BARD1: variants seen among roughly 807,000 people sequenced by gnomAD.
The protein encoded by BARD1 is BRCA1-associated RING domain protein 1.
BARD1 carries 73 observed loss-of-function variants against 77.0 expected under a neutral mutation model. That is an observed-to-expected ratio of 0.95 (90% confidence interval 0.79 to 1.15). The LOEUF (loss-of-function observed/expected upper bound fraction) is 1.15. Ranked by LOEUF, BARD1 falls within the 50% of genes most tolerant of loss-of-function variation. The probability of loss-of-function intolerance (pLI) is 0.00; values close to 1 mark genes in which losing one functional copy is unlikely to be tolerated. For synonymous variants in BARD1, 384 were observed against 338.0 expected (o/e 1.14, Z -1.49); for missense variants, 993 against 938.8 (o/e 1.06, Z -0.75).
chr2:214,780,948 G>T lies in BARD1; in HGVS notation c.926C>A (p.Thr309Lys), dbSNP rs1236791029. The change falls in exon 4 of 11, where the codon ACA becomes AAA. Residue 309 changes from threonine (T) to lysine (K), a missense_variant. By Grantham distance (78) the Thr-to-Lys change is moderately conservative. Coordinates refer to ENST00000260947, the MANE Select transcript of BARD1 (RefSeq NM_000465.4). ...TPEKVCKNYL[T>K]SKKSLPLENN... Reference sequence around the variant, plus strand: ...TTCTAATGGCAAAGATTTCTTAGATGTAAGATAATTTTTGCAGACCTTCTC... The same window carrying T: ...TTCTAATGGCAAAGATTTCTTAGATTTAAGATAATTTTTGCAGACCTTCTC... The T allele has an allele frequency of 1.2e-6, 2 of 1,613,790 alleles. No individual in the cohort carries two copies. Among genetic ancestry groups the T allele is most frequent in the Non-Finnish European group, 1.7e-6 (2 of 1,179,882 alleles).
chr2:214,797,738 G>A (rs545417477), intron 1 of BARD1, among the ~76,000 whole-genome samples: 13 of 152,186 alleles, frequency 8.5e-5, no homozygotes, highest in African/African-American at 3.1e-4. Context: ...GATATATTGT[G>A]AAAAATGCAG....
chr2:214,784,470 A>C (rs7601214), intron 3 of BARD1, among the ~76,000 whole-genome samples: 1 of 152,040 alleles, frequency 6.6e-6, no homozygotes, highest in Non-Finnish European at 1.5e-5. Flanking sequence ...ACAGTGTGGC[A>C]ATTCCTCAAG....
intron 6 of BARD1, among the ~76,000 whole-genome samples, chr2:214,765,689 G>A (rs904864824): frequency 2.6e-5 from 4 of 152,088 alleles, no homozygotes; most frequent in Non-Finnish European, 5.9e-5. Flanking sequence ...GGTCATATCG[G>A]TTAGGTCCTT....
intron 9 of BARD1, among the ~76,000 whole-genome samples, chr2:214,742,805 T>C (rs1692906485): frequency 6.6e-6 from 1 of 152,222 alleles, no homozygotes. Context: ...AAGTGGTAAA[T>C]GTCTTAACAT....
chr2:214,791,521 A>G (rs74691520), intron 3 of BARD1, among the ~76,000 whole-genome samples: 7,952 of 152,312 alleles, frequency 0.052, 231 homozygotes, highest in Admixed American at 0.083. Context: ...TTATGAAGAT[A>G]CAAAACATTT....
At chr2:214,781,735 A>C (rs1165391097) in intron 3 of BARD1, among the ~76,000 whole-genome samples, 3 of 152,170 alleles carry the variant, frequency 2.0e-5, no homozygotes, top group Admixed American at 6.6e-5. Flanking sequence ...TATAGCAGAG[A>C]ACAAAACATG....
Position 214,780,588 on chromosome 2 carries a change from TCTC to T in BARD1, c.1283_1285del (p.Gly428del), listed in dbSNP as rs878853997. On this transcript the variant is annotated inframe_deletion, in exon 4 of 11. Coordinates refer to ENST00000260947, the MANE Select transcript of BARD1 (RefSeq NM_000465.4). ...AATAGAAGCAATATGGAGCAAAGTC[TCTC>T]CTCTATGATTTCTTTTCACAGCCAT... 5 of 1,613,992 alleles carry T rather than the reference TCTC, an allele frequency of 3.1e-6. No homozygotes were observed. Among genetic ancestry groups the T allele is most frequent in the Non-Finnish European group, 4.2e-6 (5 of 1,179,924 alleles).
At chr2:214,737,669 G>C (rs1056317643) in intron 9 of BARD1, among the ~76,000 whole-genome samples, 1 of 151,990 alleles carries the variant, frequency 6.6e-6, no homozygotes, top group Non-Finnish European at 1.5e-5. Context: ...TAAACTTTCA[G>C]CAATTCAAAT....
intron 1 of BARD1, among the ~76,000 whole-genome samples, chr2:214,800,900 C>T (rs76323583): frequency 0.02 from 3,081 of 152,024 alleles, 91 homozygotes; most frequent in African/African-American, 0.068. Context: ...CACTAACTTC[C>T]ACTGTCAAAG....
intron 3 of BARD1, among the ~76,000 whole-genome samples, chr2:214,784,175 A>C (rs2106117991): frequency 6.6e-6 from 1 of 152,340 alleles, no homozygotes; most frequent in African/African-American, 2.4e-5. Context: ...AAAGAACTTA[A>C]ACAAATTTAC....
chr2:214,743,628 G>T (rs566702702), intron 9 of BARD1, among the ~76,000 whole-genome samples: 4 of 152,004 alleles, frequency 2.6e-5, no homozygotes, highest in African/African-American at 9.7e-5. Context: ...CTGTTGCCCA[G>T]GCTGGAGTGC....
chr2:214,807,106 A>G (rs1291041031), intron 1 of BARD1, among the ~76,000 whole-genome samples: 2 of 152,128 alleles, frequency 1.3e-5, no homozygotes, highest in African/African-American at 4.8e-5. Flanking sequence ...GCGGGCAGAA[A>G]GGCCTAAAAT....
At chr2:214,772,287 C>G (rs1408067427) in intron 4 of BARD1, among the ~76,000 whole-genome samples, 2 of 152,084 alleles carry the variant, frequency 1.3e-5, no homozygotes, top group African/African-American at 4.8e-5. Context: ...CAAATGAATG[C>G]AGGAATATCT....
chr2:214,731,633 T>C (rs1478807135), intron 9 of BARD1, among the ~76,000 whole-genome samples: 2 of 152,244 alleles, frequency 1.3e-5, no homozygotes, highest in Non-Finnish European at 2.9e-5. Flanking sequence ...AAAAACTAGA[T>C]ACTACAATGA....
intron 6 of BARD1, among the ~76,000 whole-genome samples, chr2:214,754,983 G>A (rs73989327): frequency 0.026 from 3,989 of 151,926 alleles, 184 homozygotes; most frequent in African/African-American, 0.092. Flanking sequence ...AGAAGATGGG[G>A]CATGTGTAAG....
chr2:214,766,148 A>G (rs1192435837), intron 6 of BARD1, among the ~76,000 whole-genome samples: 1 of 152,202 alleles, frequency 6.6e-6, no homozygotes, highest in Non-Finnish European at 1.5e-5. Flanking sequence ...GATTAAAGAT[A>G]CAAAATCTAC....
At chr2:214,745,536 T>A (rs958442239) in intron 8 of BARD1, among the ~76,000 whole-genome samples, 186 bp downstream of exon 8, 1 of 152,208 alleles carries the variant, frequency 6.6e-6, no homozygotes, top group South Asian at 2.1e-4. Context: ...ACTTTACATT[T>A]CCTAACTACG....
At chr2:214,760,540 T>C (rs911643875) in intron 6 of BARD1, among the ~76,000 whole-genome samples, 1 of 152,134 alleles carries the variant, frequency 6.6e-6, no homozygotes, top group Non-Finnish European at 1.5e-5. Flanking sequence ...AAAACCTGGA[T>C]TACTTAGCCC....
chr2:214,767,327 T>C (rs903495558), intron 6 of BARD1, among the ~76,000 whole-genome samples, 155 bp downstream of exon 6: 1 of 152,142 alleles, frequency 6.6e-6, no homozygotes, highest in African/African-American at 2.4e-5. Flanking sequence ...GCATGAAGGC[T>C]GATTATGAGT....
Sources: allele counts gnomAD v4.1 joint callset (sites outside exome capture counted in the v4.1 genomes callset), GRCh38; gene constraint gnomAD v4.1.1; transcripts MANE v1.5; gene names NCBI Gene and HGNC (gene_info 2026-07-23, HGNC 2026-07-21).